Variants in SUFU observed in about 807,000 individuals in gnomAD.
SUFU encodes SUFU negative regulator of hedgehog signaling, also known as suppressor of fused homolog.
A neutral mutation model predicts 58.9 loss-of-function variants in SUFU; 7 were observed. That is an observed-to-expected ratio of 0.12 (90% CI 0.07 to 0.22). SUFU has a LOEUF of 0.22. Among genes scored for constraint, SUFU ranks in the 10% least tolerant of loss-of-function variants. The pLI, the probability that SUFU is intolerant of heterozygous loss-of-function variation, is 1.00. For synonymous variants in SUFU, 232 were observed against 254.8 expected, an observed-to-expected ratio of 0.91 and a Z score of 0.85; for missense variants, 451 against 641.3, an observed-to-expected ratio of 0.70 and a Z score of 3.20.
intron 2 of SUFU, among the ~76,000 whole-genome samples, chr10:102,522,022 G>C (rs1589988277): frequency 6.6e-6 from 1 of 152,152 alleles, no homozygotes; most frequent in Non-Finnish European, 1.5e-5. Flanking sequence ...TTGTGCACAG[G>C]GCTTTTGCTT....
intron 10 of SUFU, chr10:102,618,956 G>GTGTA: frequency 1.3e-6 from 1 of 771,586 alleles, no homozygotes; most frequent in Non-Finnish European, 2.2e-6. Context: ...GTGTGTGTGT[G>GTGTA]TGTGTGTGTG....
At position 102,622,111 on chromosome 10, in the gene SUFU, C is replaced by A. The variant is rs953492945; in HGVS notation, c.1296+4683C>A. On this transcript the variant is annotated intron_variant, in intron 10 of 11. Transcript: ENST00000369902. Reference sequence around the variant, plus strand: ...AGTAGCTGCTGGCCTAGATTCCAAGCCCCCCTCCCTGGCCAAAGGTGGGAA... The same window carrying A: ...AGTAGCTGCTGGCCTAGATTCCAAGACCCCCTCCCTGGCCAAAGGTGGGAA... Among the ~76,000 whole-genome samples the A allele has an allele frequency of 3.1e-4, 47 of 152,176 alleles. 1 individual carries two copies. The highest frequency in any genetic ancestry group is 8.5e-4 in the Admixed American group (13 of 15,280).
intron 3 of SUFU, among the ~76,000 whole-genome samples, chr10:102,577,377 G>A (rs917689847): frequency 8.6e-5 from 13 of 151,456 alleles, no homozygotes; most frequent in African/African-American, 2.4e-4. Context: ...GGAGTCTCAC[G>A]TCTTACTCTG....
intron 2 of SUFU, among the ~76,000 whole-genome samples, chr10:102,540,993 G>C (rs1245400687): frequency 6.6e-6 from 1 of 152,004 alleles, no homozygotes; most frequent in Non-Finnish European, 1.5e-5. Flanking sequence ...TTGCACTCCA[G>C]ACTGGGTGAC....
intron 8 of SUFU, among the ~76,000 whole-genome samples, chr10:102,611,094 A>G (rs1450459498): frequency 6.6e-6 from 1 of 152,262 alleles, no homozygotes; most frequent in African/African-American, 2.4e-5. Context: ...TGGATGGGAC[A>G]TCAAACTTTG....
rs1020021054 is a variant in SUFU at position 102,617,980 on chromosome 10, G to C, written c.1296+552G>C. ...CCAGAGACCTGCTGGCTTATCCGGA[G>C]CACTTTGTCCTTCCTTTGCTCTTCT... On this transcript the variant is annotated intron_variant, in intron 10 of 11. Transcript: ENST00000369902. The surrounding 1 kb of genome is among the most constrained non-coding windows in gnomAD (Gnocchi z 4.4). 6 of 174,092 alleles carry C rather than the reference G, an allele frequency of 3.4e-5. No homozygotes were observed. The highest frequency in any genetic ancestry group is 6.1e-5 in the Non-Finnish European group (5 of 81,816). 10.8% of individuals were successfully genotyped at this position (174,092 alleles called of 1,614,324 possible).
At chr10:102,573,155 G>T in intron 3 of SUFU, 1 of 772,558 alleles carries the variant, frequency 1.3e-6, no homozygotes, top group Non-Finnish European at 2.3e-6. Context: ...TGCCTTCTTG[G>T]CCTTCAAAGC....
intron 3 of SUFU, among the ~76,000 whole-genome samples, chr10:102,559,765 A>C (rs1397231835): frequency 1.3e-5 from 2 of 152,224 alleles, no homozygotes; most frequent in Admixed American, 1.3e-4. Flanking sequence ...ACTGTGCTTT[A>C]GAATTCTGCT....
chr10:102,506,102 G>A (rs144119448), intron 1 of SUFU, among the ~76,000 whole-genome samples: 4 of 150,784 alleles, frequency 2.7e-5, no homozygotes, highest in African/African-American at 7.3e-5. Flanking sequence ...GTTTGTTCAG[G>A]CCTCATTTGA....
intron 1 of SUFU, among the ~76,000 whole-genome samples, chr10:102,505,843 C>G (rs773530165): frequency 6.6e-6 from 1 of 152,050 alleles, no homozygotes; most frequent in Non-Finnish European, 1.5e-5. Flanking sequence ...CTTAATGACC[C>G]ATTCTCATTG....
At position 102,617,517 on chromosome 10, in the gene SUFU, C is replaced by T. The variant is rs754505099; in HGVS notation, c.1296+89C>T. ...TCTCCCTTGGCAGCTCTTGATGGCA[C>T]CCCTTCCTGGGGGGCTGGTCATGAA... On this transcript the variant is annotated intron_variant, in intron 10 of 11. Coordinates refer to ENST00000369902, the MANE Select transcript of SUFU (RefSeq NM_016169.4). The surrounding 1 kb of genome is among the most constrained non-coding windows in gnomAD (Gnocchi z 4.4). 1 of 1,574,396 alleles carries T rather than the reference C, an allele frequency of 6.4e-7. No individual in the cohort carries two copies. Among genetic ancestry groups the T allele is most frequent in the Non-Finnish European group, 8.7e-7 (1 of 1,145,006 alleles).
rs1023013867 is a variant in SUFU at position 102,549,831 on chromosome 10, C to G, written c.318-139C>G. The G allele has an allele frequency of 2.7e-6, 3 of 1,115,440 alleles. No homozygotes were observed. In the African/African-American group the frequency reaches 4.7e-5, roughly 17 times the overall value. The allele number at this position is 1,115,440 out of a possible 1,614,324, so 69.1% of individuals were successfully genotyped here. A position where few individuals can be genotyped will look rare whatever the true frequency, so the allele number is the denominator to read the frequency against. On this transcript the variant is annotated intron_variant, in intron 2 of 11. Coordinates refer to ENST00000369902, the MANE Select transcript of SUFU (RefSeq NM_016169.4). ...CTTCTCAGGTTCCCTCCCCACAAGGCTCACATCCTGGGATACTCCTCTGAA... is the reference window on the plus strand; with the variant it reads ...CTTCTCAGGTTCCCTCCCCACAAGGGTCACATCCTGGGATACTCCTCTGAA...
chr10:102,592,971 G>A lies in SUFU; in HGVS notation c.597+247G>A, dbSNP rs2063419627. On this transcript the variant is annotated intron_variant, in intron 4 of 11. Coordinates refer to ENST00000369902, the MANE Select transcript of SUFU (RefSeq NM_016169.4). The stretch of plus-strand genomic sequence containing the variant: ...ATGGCTGTAGCTGAGAGGGAGTAAT[G>A]GGGTGGCGGGTATTCTTTGAACAGT... Among the ~76,000 whole-genome samples the A allele has an allele frequency of 2.0e-5, 3 of 152,178 alleles. No homozygotes were observed. The South Asian group carries it at 6.2e-4, about 32-fold the overall frequency.
intron 2 of SUFU, among the ~76,000 whole-genome samples, chr10:102,535,358 C>T (rs1417444899): frequency 3.9e-5 from 6 of 152,004 alleles, no homozygotes; most frequent in South Asian, 2.1e-4. Context: ...TGGTGGCACA[C>T]GCCTGTAGTC....
chr10:102,631,540 A>G lies in SUFU; in HGVS notation c.*1385A>G. 4.3e-6 allele frequency: 1 copy of G among 233,410 alleles called. No homozygotes were observed. Among genetic ancestry groups the G allele is most frequent in the Non-Finnish European group, 8.5e-6 (1 of 118,158 alleles). The allele number at this position is 233,410 out of a possible 1,614,324, so 14.5% of individuals were successfully genotyped here. A position where few individuals can be genotyped will look rare whatever the true frequency, so the allele number is the denominator to read the frequency against. ...GATGGGACTGTTACAATACTTCAAG[A>G]TCACTCTTTACACCTCTTCAAAGCA... On this transcript the variant is annotated 3_prime_UTR_variant, in exon 12 of 12. Coordinates refer to ENST00000369902, the MANE Select transcript of SUFU (RefSeq NM_016169.4).
At chr10:102,595,854 T>C (rs780633379) in intron 6 of SUFU, among the ~76,000 whole-genome samples, 1 of 152,228 alleles carries the variant, frequency 6.6e-6, no homozygotes, top group Non-Finnish European at 1.5e-5. Context: ...GTCCCTCGCC[T>C]TCTGGGTCTT....
chr10:102,599,571 G>C, intron 8 of SUFU, 27 bp downstream of exon 8: 1 of 1,596,828 alleles, frequency 6.3e-7, no homozygotes, highest in Non-Finnish European at 8.6e-7. Context: ...CCCTGGGCTG[G>C]AACAAGAGGA....
At chr10:102,523,580 G>A (rs2062574923) in intron 2 of SUFU, among the ~76,000 whole-genome samples, 2 of 152,206 alleles carry the variant, frequency 1.3e-5, no homozygotes, top group Non-Finnish European at 2.9e-5. Flanking sequence ...CAACACCATG[G>A]CTTGCCCTAA....
At position 102,599,560 on chromosome 10, in the gene SUFU, T is replaced by C. The variant is rs764272302; in HGVS notation, c.1022+16T>C. On this transcript the variant is annotated intron_variant, in intron 8 of 11. Coordinates refer to ENST00000369902, the MANE Select transcript of SUFU (RefSeq NM_016169.4). ...ACCGGGCCCCGTAAGTTCCCCAGTG[T>C]CCCTGGGCTGGAACAAGAGGACGAC... is the stretch of plus-strand genomic sequence containing the variant. 1.9e-6 allele frequency: 3 copies of C among 1,608,952 alleles called. No homozygotes were observed. The highest frequency in any genetic ancestry group is 2.7e-5 in the African/African-American group (2 of 74,804).
Sources: gnomAD v4.1 joint callset for allele counts (sites outside exome capture counted in the v4.1 genomes callset) on GRCh38, gnomAD v4.1.1 for gene constraint, Gnocchi (gnomAD v3.1) non-coding constraint, MANE v1.5 for transcripts, NCBI Gene and HGNC (gene_info 2026-07-23, HGNC 2026-07-21) for gene names.